The following NEK4 variants were observed in gnomAD, a reference collection of about 807,000 sequenced individuals.
NEK4 encodes the protein serine/threonine-protein kinase Nek4.
NEK4 carries 86 observed loss-of-function variants against 98.4 expected under a neutral mutation model. The ratio of observed to expected loss-of-function variants is 0.87; its 90% confidence interval spans 0.73 to 1.05. The LOEUF is 1.05. NEK4 is among the 50% of genes least tolerant of loss of function. The pLI is 0.00. For synonymous variants in NEK4, 328 were observed against 342.2 expected (o/e 0.96, Z 0.46); for missense variants, 898 against 950.3 (o/e 0.94, Z 0.72).
chr3:52,715,489 C>A (rs968611008), intron 15 of NEK4, among the ~76,000 whole-genome samples: 4 of 152,202 alleles, frequency 2.6e-5, no homozygotes, highest in Admixed American at 1.3e-4. Flanking sequence ...TGGGTTCAAG[C>A]GATTCTCTTG....
chr3:52,758,416 TATC>T (rs1698217554), intron 6 of NEK4, among the ~76,000 whole-genome samples: 1 of 152,068 alleles, frequency 6.6e-6, no homozygotes, highest in Admixed American at 6.6e-5. Flanking sequence ...ATGTGTACTT[TATC>T]ATAATGAAAA....
chr3:52,764,314 C>A (rs553585854), intron 4 of NEK4, among the ~76,000 whole-genome samples: 1 of 148,666 alleles, frequency 6.7e-6, no homozygotes, highest in Non-Finnish European at 1.5e-5. Context: ...AGAAAAGAAA[C>A]GAAACTAGGC....
rs755365648 is a variant in NEK4, at chr3:52,770,660, G to A, written c.87C>T (p.Gly29=). The A allele has an allele frequency of 6.6e-7, 1 of 1,504,416 alleles. No homozygotes were observed. The highest frequency in any genetic ancestry group is 1.2e-5 in the South Asian group (1 of 83,416). The allele number at this position is 1,504,416 out of a possible 1,614,324, so 93.2% of individuals were successfully genotyped here. A position where few individuals can be genotyped will look rare whatever the true frequency, so the allele number is the denominator to read the frequency against. Residue 29 remains glycine, a synonymous_variant, in exon 1 of 16, where the codon GGC becomes GGT. Transcript: ENST00000233027. ...EVTLVKHRRD[G]KQYVIKKLNL... ...GGGCCCCACCCCTGCAGACCTGCTTGCCGTCCCGCCGGTGCTTCACAAGCG... is the reference window on the plus strand; with the variant it reads ...GGGCCCCACCCCTGCAGACCTGCTTACCGTCCCGCCGGTGCTTCACAAGCG...
At chr3:52,730,502 T>A (rs565867926) in intron 15 of NEK4, among the ~76,000 whole-genome samples, 1 of 152,212 alleles carries the variant, frequency 6.6e-6, no homozygotes, top group African/African-American at 2.4e-5. Context: ...GAAATGCATA[T>A]GAATATCCCT....
chr3:52,721,143 T>C (rs1257728633), intron 15 of NEK4, among the ~76,000 whole-genome samples: 1 of 152,232 alleles, frequency 6.6e-6, no homozygotes, highest in Non-Finnish European at 1.5e-5. Flanking sequence ...ACAGTCATGC[T>C]GTTCCTGAAG....
At chr3:52,736,421 C>T (rs1578646284) in intron 15 of NEK4, among the ~76,000 whole-genome samples, 1 of 152,018 alleles carries the variant, frequency 6.6e-6, no homozygotes, top group African/African-American at 2.4e-5. Flanking sequence ...CCAGCCTCTA[C>T]TAAAAATACA....
At chr3:52,730,724 TCTTA>T (rs2154102770) in intron 15 of NEK4, among the ~76,000 whole-genome samples, 1 of 152,212 alleles carries the variant, frequency 6.6e-6, no homozygotes, top group African/African-American at 2.4e-5. Context: ...GTTCTTTCTT[TCTTA>T]GATGGTTGGA....
At chr3:52,730,708 A>T (rs1441394210) in intron 15 of NEK4, among the ~76,000 whole-genome samples, 3 of 152,146 alleles carry the variant, frequency 2.0e-5, no homozygotes, top group African/African-American at 7.2e-5. Flanking sequence ...TTTATGCAGG[A>T]TTGGTGTTCT....
rs375206563 is a variant in NEK4 at position 52,739,598 on chromosome 3, T to G, written c.2130A>C (p.Gln710His). Residue 710 changes from glutamine (Q) to histidine (H), a missense_variant, in exon 14 of 16, where the codon CAA (glutamine) becomes CAC (histidine). Physicochemically the swap from Gln to His is conservative, Grantham distance 24. Coordinates refer to ENST00000233027, the MANE Select transcript of NEK4 (RefSeq NM_003157.6). ...CCAGTTTCAGGGTCTGAGTCATCAA[T>G]TGTACCAAGGCATTAATTTCATTTG... is the stretch of plus-strand genomic sequence containing the variant. ...GQTNEINALVQLMTQTLKLDS... is the reference protein window; with the variant it reads ...GQTNEINALVHLMTQTLKLDS... 6.2e-7 allele frequency: 1 copy of G among 1,614,168 alleles called. No individual in the cohort carries two copies.
At chr3:52,741,342 A>C in intron 13 of NEK4, 69 bp downstream of exon 13, 1 of 931,480 alleles carries the variant, frequency 1.1e-6, no homozygotes, top group Non-Finnish European at 1.7e-6. Flanking sequence ...AATACTACTG[A>C]AAATGCACAT....
intron 15 of NEK4, among the ~76,000 whole-genome samples, chr3:52,717,380 C>T (rs2097356055): frequency 6.8e-6 from 1 of 147,510 alleles, no homozygotes; most frequent in African/African-American, 2.5e-5. Context: ...GCACTACAGC[C>T]TGGGTGACAA....
rs151081127 is a variant in NEK4 at position 52,734,588 on chromosome 3, G to A, written c.2433+2998C>T. On this transcript the variant is annotated intron_variant, in intron 15 of 15. Coordinates refer to ENST00000233027, the MANE Select transcript of NEK4 (RefSeq NM_003157.6). ...CTAGGGAGGCTGAGGCAGAAGAATC[G>A]CTTGAACCTGGGAGGTGGAGGTGAG... 509 of 151,682 alleles carry A rather than the reference G, an allele frequency of 3.4e-3. 4 individuals are homozygous for A. The highest frequency in any genetic ancestry group is 0.012 in the African/African-American group (484 of 40,192). The allele number at this position is 151,682 out of a possible 1,614,324, so 9.4% of individuals were successfully genotyped here.
At chr3:52,770,618 CG>C in intron 1 of NEK4, 35 bp downstream of exon 1, 34 of 1,444,438 alleles carry the variant, frequency 2.4e-5, no homozygotes, top group Non-Finnish European at 3.0e-5. Flanking sequence ...CACTTCTGCC[CG>C]CCCCCGCCCC....
chr3:52,732,605 T>TG (rs2097370956), intron 15 of NEK4: 1 of 301,714 alleles, frequency 3.3e-6, no homozygotes, highest in Middle Eastern at 4.8e-4. Flanking sequence ...TTGACATTCA[T>TG]GGATGTGGCT....
At chr3:52,754,976 A>T (rs1299705614) in intron 6 of NEK4, among the ~76,000 whole-genome samples, 1 of 151,708 alleles carries the variant, frequency 6.6e-6, no homozygotes, top group Non-Finnish European at 1.5e-5. Flanking sequence ...CGGGAGGCTG[A>T]GGCAGGAGAA....
rs537716958 is a variant in NEK4 at position 52,735,442 on chromosome 3, G to A, written c.2433+2144C>T. On this transcript the variant is annotated intron_variant, in intron 15 of 15. Transcript: ENST00000233027. ...ATATGTACTGAGGGTTATTATTTAT[G>A]TCAGAAATGGACATTATAAGTTCTT... 1.3e-4 allele frequency among the ~76,000 whole-genome samples: 20 copies of A among 152,298 alleles called. No individual in the cohort carries two copies. In the South Asian group the frequency reaches 4.1e-3, roughly 32 times the overall value.
intron 15 of NEK4, among the ~76,000 whole-genome samples, chr3:52,712,596 C>T (rs2097351503): frequency 6.6e-6 from 1 of 152,172 alleles, no homozygotes; most frequent in Non-Finnish European, 1.5e-5. Context: ...CACACGTGGG[C>T]TTGGAGAATG....
chr3:52,750,441 G>A (rs2097403138), intron 7 of NEK4, among the ~76,000 whole-genome samples: 1 of 152,082 alleles, frequency 6.6e-6, no homozygotes, highest in Admixed American at 6.6e-5. Context: ...CCAGGTACTT[G>A]GGAGACGGAG....
At chr3:52,738,754 T>A (rs549745691) in intron 14 of NEK4, among the ~76,000 whole-genome samples, 50 of 152,304 alleles carry the variant, frequency 3.3e-4, no homozygotes, top group South Asian at 8.3e-4. Flanking sequence ...GCTGTTTTTT[T>A]AAAAATCTTG....
Sources: gnomAD v4.1 joint callset for allele counts (sites outside exome capture counted in the v4.1 genomes callset) on GRCh38, gnomAD v4.1.1 for gene constraint, MANE v1.5 for transcripts, NCBI Gene and HGNC (gene_info 2026-07-23, HGNC 2026-07-21) for gene names.